RAD51B: variants seen among roughly 807,000 people sequenced by gnomAD.
The protein encoded by RAD51B is RAD51 paralog B, also known as DNA repair protein RAD51 homolog 2.
A neutral mutation model predicts 42.2 loss-of-function variants in RAD51B; 38 were observed. The ratio of observed to expected loss-of-function variants is 0.90; its 90% CI spans 0.70 to 1.18. RAD51B has a LOEUF of 1.18. RAD51B is among the 50% of genes most tolerant of loss of function. The pLI is 0.00. For missense variants in RAD51B, 373 were observed against 400.7 expected (o/e 0.93, Z 0.59); for synonymous variants, 154 against 145.2 (o/e 1.06, Z -0.43).
At chr14:68,680,426 CTGT>C (rs1893401881) in intron 11 of RAD51B, among the ~76,000 whole-genome samples, 1 of 152,288 alleles carries the variant, frequency 6.6e-6, no homozygotes, top group East Asian at 1.9e-4. Context: ...AGGATCTGAT[CTGT>C]TGTTAGTATT....
At chr14:68,472,017 C>G (rs2086139838) in intron 10 of RAD51B, 2 of 152,330 alleles carry the variant, frequency 1.3e-5, no homozygotes, top group African/African-American at 4.8e-5. Flanking sequence ...CTTTGGTCCC[C>G]AGAGTTCACC....
At chr14:68,285,448 G>A (rs1388937458) in intron 7 of RAD51B, among the ~76,000 whole-genome samples, 1 of 152,184 alleles carries the variant, frequency 6.6e-6, no homozygotes, top group Non-Finnish European at 1.5e-5. Context: ...GCAGAGCCTC[G>A]TCACTTTGAA....
chr14:68,658,531 CATCTCATCTG>C (rs1892866870), intron 11 of RAD51B, among the ~76,000 whole-genome samples: 2 of 152,238 alleles, frequency 1.3e-5, no homozygotes, highest in Admixed American at 1.3e-4. Context: ...ATCACCCCTT[CATCTCATCTG>C]CACCAAGTGT....
intron 7 of RAD51B, among the ~76,000 whole-genome samples, chr14:68,046,925 G>A (rs2076309695): frequency 6.6e-6 from 1 of 151,322 alleles, no homozygotes; most frequent in Admixed American, 6.6e-5. Flanking sequence ...AATGATTGTA[G>A]GATCCTGTTT....
At chr14:68,391,557 T>A (rs1324533784) in intron 8 of RAD51B, among the ~76,000 whole-genome samples, 5 of 152,130 alleles carry the variant, frequency 3.3e-5, no homozygotes, top group African/African-American at 1.2e-4. Flanking sequence ...CAGGCTGAGG[T>A]CCTCAGAGAG....
intron 5 of RAD51B, among the ~76,000 whole-genome samples, chr14:67,884,178 A>G (rs2034777914): frequency 6.6e-6 from 1 of 152,200 alleles, no homozygotes; most frequent in Non-Finnish European, 1.5e-5. Context: ...TAAATGATCC[A>G]TTTAATACAG....
intron 7 of RAD51B, among the ~76,000 whole-genome samples, chr14:68,034,792 A>G (rs757612871): frequency 3.3e-5 from 5 of 152,184 alleles, no homozygotes; most frequent in African/African-American, 7.2e-5. Flanking sequence ...TGACATTCCC[A>G]AGGCAAAAGT....
At chr14:68,201,851 T>TTGTGTG (rs2079492491) in intron 7 of RAD51B, among the ~76,000 whole-genome samples, 2 of 152,188 alleles carry the variant, frequency 1.3e-5, no homozygotes, top group Admixed American at 6.5e-5. Context: ...TTAAGATATG[T>TTGTGTG]TGCCTGCTTC....
At chr14:68,167,685 G>A (rs1025145937) in intron 7 of RAD51B, among the ~76,000 whole-genome samples, 6 of 151,964 alleles carry the variant, frequency 3.9e-5, no homozygotes, top group African/African-American at 1.5e-4. Flanking sequence ...TACTTAATTG[G>A]TATGATTGAT....
intron 10 of RAD51B, among the ~76,000 whole-genome samples, chr14:68,630,179 T>TTAC (rs1555433041): frequency 6.6e-6 from 1 of 151,838 alleles, no homozygotes; most frequent in Non-Finnish European, 1.5e-5. Flanking sequence ...AGGACTGTGC[T>TTAC]CACAAGCTTA....
intron 7 of RAD51B, among the ~76,000 whole-genome samples, chr14:68,093,837 A>T (rs1287079496): frequency 6.6e-6 from 1 of 152,178 alleles, no homozygotes; most frequent in Non-Finnish European, 1.5e-5. Context: ...TGTGAGGAAC[A>T]TCCTGGTACT....
intron 7 of RAD51B, among the ~76,000 whole-genome samples, chr14:68,030,172 G>A (rs1391460010): frequency 6.6e-6 from 1 of 152,120 alleles, no homozygotes. Context: ...ATGAGCATTG[G>A]TTTCAACTTA....
At chr14:67,889,536 A>G (rs1256465274) in intron 7 of RAD51B, among the ~76,000 whole-genome samples, 1 of 148,258 alleles carries the variant, frequency 6.7e-6, no homozygotes, top group African/African-American at 2.4e-5. Context: ...TAAAAAATAT[A>G]TATAATAAAA....
intron 8 of RAD51B, among the ~76,000 whole-genome samples, chr14:68,300,189 C>G (rs2081698682): frequency 6.6e-6 from 1 of 151,972 alleles, no homozygotes. Context: ...TCTGTTGACC[C>G]CTTTAGTCAT....
chr14:68,682,989 C>A (rs1184065864), intron 11 of RAD51B: 45 of 994,832 alleles, frequency 4.5e-5, no homozygotes, highest in Non-Finnish European at 4.8e-5. Context: ...AAGCCAGCTC[C>A]ATTAGTCACG....
intron 7 of RAD51B, among the ~76,000 whole-genome samples, chr14:68,124,466 G>A (rs563386132): frequency 1.3e-5 from 2 of 152,292 alleles, no homozygotes; most frequent in African/African-American, 4.8e-5. Context: ...TATTTCATGT[G>A]ATGGCTCTAT....
intron 7 of RAD51B, among the ~76,000 whole-genome samples, chr14:68,206,699 T>G (rs2140936192): frequency 6.6e-6 from 1 of 152,130 alleles, no homozygotes; most frequent in East Asian, 1.9e-4. Context: ...TAACACTTCC[T>G]TGATTTTTGG....
intron 4 of RAD51B, among the ~76,000 whole-genome samples, chr14:67,836,691 C>G (rs1325716581): frequency 6.6e-6 from 1 of 152,114 alleles, no homozygotes; most frequent in East Asian, 1.9e-4. Flanking sequence ...TCTCAAACTC[C>G]TGGCCTCAGG....
chr14:67,830,103 A>C (rs1480454580), intron 3 of RAD51B, among the ~76,000 whole-genome samples: 1 of 151,684 alleles, frequency 6.6e-6, no homozygotes, highest in Non-Finnish European at 1.5e-5. Flanking sequence ...GTGGGTCATA[A>C]CAACGAAGAA....
Sources: gnomAD v4.1 joint callset for allele counts (sites outside exome capture counted in the v4.1 genomes callset) on GRCh38, gnomAD v4.1.1 for gene constraint, MANE v1.5 for transcripts, NCBI Gene and HGNC (gene_info 2026-07-23, HGNC 2026-07-21) for gene names.